SBF2: variants seen among roughly 807,000 people sequenced by gnomAD.
The protein encoded by SBF2 is SET binding factor 2, also known as myotubularin-related protein 13.
SBF2 carries 112 observed loss-of-function variants against 225.2 expected under a neutral mutation model. The ratio of observed to expected loss-of-function variants is 0.50; its 90% confidence interval spans 0.43 to 0.58. The LOEUF is 0.58. Among genes scored for constraint, SBF2 ranks in the 20% least tolerant of loss-of-function variants. The pLI, the probability that SBF2 is intolerant of heterozygous loss-of-function variation, is 0.00. For synonymous variants in SBF2, 763 were observed against 773.3 expected, an observed-to-expected ratio of 0.99 and a Z score of 0.22; for missense variants, 1,996 against 2,206.2, an observed-to-expected ratio of 0.90 and a Z score of 1.91.
rs1458832777 is a variant in SBF2, at chr11:9,858,390, C to T, written c.1936G>A (p.Ala646Thr). 1 of 1,613,992 alleles carries T rather than the reference C, an allele frequency of 6.2e-7. No homozygotes were observed. Among genetic ancestry groups the T allele is most frequent in the East Asian group, 2.2e-5 (1 of 44,900 alleles). The change falls in exon 18 of 40, where the codon GCC becomes ACC. Residue 646 changes from alanine to threonine, a missense_variant. Physicochemically the swap from Ala to Thr is moderately conservative, Grantham distance 58. Coordinates refer to ENST00000256190, the MANE Select transcript of SBF2 (RefSeq NM_030962.4). ...TAAGCAAACTGGCTGACTCCAGGGG[C>T]AAGTTTCTGTGAGAACACACAAAAT... The part of the protein sequence containing the change: ...PLTSAFYRKL[A>T]PGVSQFAYTC...
chr11:10,048,974 T>C (rs1949969323), intron 2 of SBF2, among the ~76,000 whole-genome samples: 1 of 152,200 alleles, frequency 6.6e-6, no homozygotes, highest in South Asian at 2.1e-4. Flanking sequence ...TCATTGGATA[T>C]TGGAGCAGTA....
chr11:9,802,926 T>C (rs1365373487), intron 32 of SBF2, among the ~76,000 whole-genome samples: 1 of 152,226 alleles, frequency 6.6e-6, no homozygotes, highest in Non-Finnish European at 1.5e-5. Flanking sequence ...TAAGGTCATA[T>C]GCTTGCTTTG....
At chr11:9,984,265 C>T (rs918246100) in intron 13 of SBF2, among the ~76,000 whole-genome samples, 3 of 152,092 alleles carry the variant, frequency 2.0e-5, no homozygotes, top group African/African-American at 7.2e-5. Context: ...TTTGGACACA[C>T]TTTTAGAAAT....
intron 27 of SBF2, 83 bp downstream of exon 27, chr11:9,832,141 A>G (rs2133936828): frequency 8.1e-7 from 1 of 1,230,054 alleles, no homozygotes; most frequent in East Asian, 2.4e-5. Context: ...ATGAAAAGGC[A>G]CCATTCCCAG....
chr11:10,298,783 T>C (rs1964570735), upstream of SBF2, among the ~76,000 whole-genome samples: 1 of 152,214 alleles, frequency 6.6e-6, no homozygotes, highest in Non-Finnish European at 1.5e-5. Context: ...TTGTTCCTAC[T>C]TCCCAAATAT....
At chr11:9,894,427 G>C (rs1172187497) in intron 17 of SBF2, among the ~76,000 whole-genome samples, 1 of 152,150 alleles carries the variant, frequency 6.6e-6, no homozygotes, top group East Asian at 1.9e-4. Flanking sequence ...TGAGGCAGGA[G>C]AATCACTTGA....
chr11:10,055,379 A>G (rs1210354451), intron 2 of SBF2, among the ~76,000 whole-genome samples: 2 of 152,166 alleles, frequency 1.3e-5, no homozygotes, highest in African/African-American at 4.8e-5. Flanking sequence ...CAATCCCACT[A>G]CTGGGTGTCT....
upstream of SBF2, chr11:10,294,304 C>T (rs1964386957): frequency 2.9e-6 from 1 of 350,600 alleles, no homozygotes; most frequent in African/African-American, 2.1e-5. Flanking sequence ...GGCGAGCCCA[C>T]CTCCACCCTC....
chr11:9,913,515 A>T (rs1862818530), intron 16 of SBF2, among the ~76,000 whole-genome samples: 1 of 152,166 alleles, frequency 6.6e-6, no homozygotes, highest in South Asian at 2.1e-4. Context: ...ATAAAGTTGA[A>T]CATATGCATA....
intron 2 of SBF2, among the ~76,000 whole-genome samples, chr11:10,161,884 C>G (rs761039187): frequency 4.6e-5 from 7 of 152,060 alleles, no homozygotes; most frequent in Non-Finnish European, 1.0e-4. Flanking sequence ...ACTCAGGAGG[C>G]TGAAGCAGCA....
At chr11:9,826,735 G>A (rs1406252696) in intron 28 of SBF2, among the ~76,000 whole-genome samples, 6 of 78,760 alleles carry the variant, frequency 7.6e-5, no homozygotes, top group East Asian at 2.9e-4. Flanking sequence ...ATATATATGT[G>A]TGTGTGTGTG....
chr11:9,850,166 C>T lies in SBF2; in HGVS notation c.2663G>A (p.Gly888Asp), dbSNP rs777117399. 1.9e-6 allele frequency: 3 copies of T among 1,613,928 alleles called. No individual in the cohort carries two copies. The highest frequency in any genetic ancestry group is 4.5e-5 in the East Asian group (2 of 44,890). Residue 888 changes from glycine (G) to aspartate (D), a missense_variant, in exon 22 of 40, where the codon GGT becomes GAT. Physicochemically the swap from Gly to Asp is moderately conservative, Grantham distance 94. Coordinates refer to ENST00000256190, the MANE Select transcript of SBF2 (RefSeq NM_030962.4). ...ATCAGGATCCAGCAAGACTCGAAGA[C>T]CCTCACAGACAATTTCTTCTCCTGG... ...LLPGEEIVCEGLRVLLDPDGR... is the reference protein window; with the variant it reads ...LLPGEEIVCEDLRVLLDPDGR...
chr11:10,135,315 G>A (rs777703357), intron 2 of SBF2, among the ~76,000 whole-genome samples: 4 of 151,982 alleles, frequency 2.6e-5, no homozygotes, highest in Non-Finnish European at 2.9e-5. Flanking sequence ...TGATGGCAGG[G>A]GCTGCCACAG....
intron 13 of SBF2, among the ~76,000 whole-genome samples, chr11:9,980,351 G>T (rs1031914150): frequency 6.6e-6 from 1 of 150,388 alleles, no homozygotes. Flanking sequence ...ACCCAGGCTG[G>T]TCTCGAACTC....
rs577903728 is a variant in SBF2, at chr11:9,886,623, G to A, written c.1929+9320C>T. Among the ~76,000 whole-genome samples the A allele has an allele frequency of 7.1e-4, 107 of 150,772 alleles. No individual in the cohort carries two copies. In the South Asian group the frequency reaches 0.018, roughly 25 times the overall value. On this transcript the variant is annotated intron_variant, in intron 17 of 39. Transcript: ENST00000256190. The stretch of plus-strand genomic sequence containing the variant: ...CTCTTTTTTTTTGAGACGAAGTCTC[G>A]CTCTGGAGTGCAGTAGCACCATCGT...
At chr11:9,839,337 C>G (rs1855944010) in intron 26 of SBF2, 161 bp downstream of exon 26, 2 of 743,000 alleles carry the variant, frequency 2.7e-6, no homozygotes, top group Non-Finnish European at 4.7e-6. Context: ...GGTAATTGTT[C>G]CGAGAATGCC....
At chr11:10,277,156 A>C (rs990144436) in intron 1 of SBF2, among the ~76,000 whole-genome samples, 2 of 141,064 alleles carry the variant, frequency 1.4e-5, no homozygotes, top group Admixed American at 7.1e-5. Context: ...AAAAAAAAAA[A>C]GGCCTGTAAT....
At chr11:10,098,200 C>G (rs1010012822) in intron 2 of SBF2, among the ~76,000 whole-genome samples, 1 of 152,074 alleles carries the variant, frequency 6.6e-6, no homozygotes, top group Non-Finnish European at 1.5e-5. Flanking sequence ...TGATTCTGAA[C>G]ATTTCAGGAC....
At chr11:10,204,071 C>T (rs1229645264) in intron 1 of SBF2, among the ~76,000 whole-genome samples, 1 of 151,782 alleles carries the variant, frequency 6.6e-6, no homozygotes, top group African/African-American at 2.4e-5. Flanking sequence ...ACAGAACTCA[C>T]AAAGGCATAT....
Sources: allele counts gnomAD v4.1 joint callset (sites outside exome capture counted in the v4.1 genomes callset), GRCh38; gene constraint gnomAD v4.1.1; transcripts MANE v1.5; gene names NCBI Gene and HGNC (gene_info 2026-07-23, HGNC 2026-07-21).